PXDNL: variants seen among roughly 807,000 people sequenced by gnomAD.
PXDNL encodes the protein probable oxidoreductase PXDNL.
In PXDNL, 145 loss-of-function variants were observed where a neutral mutation model predicts 150.8. That is an observed-to-expected ratio of 0.96 (90% CI 0.84 to 1.10). The LOEUF is 1.10. Ranked by LOEUF, PXDNL falls within the 50% of genes least tolerant of loss-of-function variation. PXDNL has a pLI of 0.00. For missense variants in PXDNL, 2,087 were observed against 1,873.9 expected (o/e 1.11, Z -2.10); for synonymous variants, 757 against 725.7 (o/e 1.04, Z -0.69).
At chr8:51,420,006 T>C (rs1236715660) in intron 14 of PXDNL, among the ~76,000 whole-genome samples, 1 of 152,216 alleles carries the variant, frequency 6.6e-6, no homozygotes, top group Non-Finnish European at 1.5e-5. Flanking sequence ...GGAAATCTTT[T>C]TGTTCTTTTG....
At chr8:51,415,369 G>A (rs1246753378) in intron 14 of PXDNL, among the ~76,000 whole-genome samples, 1 of 152,156 alleles carries the variant, frequency 6.6e-6, no homozygotes, top group Non-Finnish European at 1.5e-5. Flanking sequence ...CACTGGGGAG[G>A]CCTTAGGAAG....
intron 6 of PXDNL, among the ~76,000 whole-genome samples, chr8:51,475,583 G>C (rs952226661): frequency 1.3e-5 from 2 of 152,092 alleles, no homozygotes; most frequent in African/African-American, 4.8e-5. Context: ...GGGCATTCTA[G>C]CAAGGCTCCC....
At chr8:51,511,742 T>G (rs538104864) in intron 4 of PXDNL, among the ~76,000 whole-genome samples, 1 of 152,264 alleles carries the variant, frequency 6.6e-6, no homozygotes, top group Admixed American at 6.5e-5. Flanking sequence ...ACTCCCCCCT[T>G]TCTAGGGAGA....
intron 4 of PXDNL, among the ~76,000 whole-genome samples, chr8:51,524,201 C>T (rs935931411): frequency 4.6e-5 from 7 of 152,274 alleles, no homozygotes; most frequent in South Asian, 2.1e-4. Flanking sequence ...TTGTTACATA[C>T]GCTCCCTAAC....
chr8:51,499,678 ATCTAAAGGG>A lies in PXDNL; in HGVS notation c.452+12_452+20del, dbSNP rs564162673. On this transcript the variant is annotated intron_variant, in intron 5 of 22. Coordinates refer to ENST00000356297, the MANE Select transcript of PXDNL (RefSeq NM_144651.5). ...AAAATGTAAAGCAGAAGCAAAGGAC[ATCTAAAGGG>A]TCAACACTTACAGTCGCTCTAATCT... The A allele has an allele frequency of 4.7e-3, 7,367 of 1,579,206 alleles. 23 individuals carry two copies. Among genetic ancestry groups the A allele is most frequent in the Non-Finnish European group, 5.8e-3 (6,644 of 1,148,444 alleles).
At chr8:51,775,624 A>G (rs961809539) in intron 1 of PXDNL, among the ~76,000 whole-genome samples, 25 of 152,204 alleles carry the variant, frequency 1.6e-4, no homozygotes, top group Non-Finnish European at 8.8e-5. Flanking sequence ...AATTGTGAAG[A>G]TTTCATGGAC....
intron 17 of PXDNL, among the ~76,000 whole-genome samples, chr8:51,381,012 G>A (rs1237170191): frequency 6.6e-6 from 1 of 151,994 alleles, no homozygotes; most frequent in African/African-American, 2.4e-5. Flanking sequence ...TGTATATATG[G>A]CATTCAACTT....
In PXDNL at chr8:51,372,094, C is replaced by A. The variant is rs1244295262; in HGVS notation, c.3693-13G>T. The A allele has an allele frequency of 3.1e-4, 398 of 1,280,030 alleles. No individual in the cohort carries two copies. Among genetic ancestry groups the A allele is most frequent in the Admixed American group, 2.4e-3 (108 of 44,226 alleles). 79.3% of individuals were successfully genotyped at this position (1,280,030 alleles called of 1,614,324 possible). On this transcript the variant is annotated splice_polypyrimidine_tract_variant and intron_variant, in intron 18 of 22. Transcript: ENST00000356297. Reference sequence around the variant, plus strand: ...TTCATACCAGAACCTGGTAGTCAACCAAAAAAAAAACATTGTCGTGGGTCT... The same window carrying A: ...TTCATACCAGAACCTGGTAGTCAACAAAAAAAAAAACATTGTCGTGGGTCT...
chr8:51,422,653 G>A (rs559320625), intron 14 of PXDNL, among the ~76,000 whole-genome samples: 2 of 152,338 alleles, frequency 1.3e-5, no homozygotes, highest in African/African-American at 4.8e-5. Context: ...TCATTTTTAA[G>A]GAAACTGAAA....
intron 17 of PXDNL, among the ~76,000 whole-genome samples, chr8:51,405,736 G>T (rs1477408463): frequency 6.6e-6 from 1 of 152,146 alleles, no homozygotes; most frequent in East Asian, 1.9e-4. Flanking sequence ...GTTAATGAAA[G>T]GGGAAAGTCA....
At chr8:51,331,917 A>G (rs562823585) in intron 21 of PXDNL, among the ~76,000 whole-genome samples, 108 of 146,794 alleles carry the variant, frequency 7.4e-4, no homozygotes, top group African/African-American at 2.6e-3. Flanking sequence ...CTGGTAGTGG[A>G]AAACAAAGGA....
intron 4 of PXDNL, among the ~76,000 whole-genome samples, chr8:51,507,206 C>T (rs1463215055): frequency 6.6e-6 from 1 of 152,032 alleles, no homozygotes; most frequent in Non-Finnish European, 1.5e-5. Context: ...TAATGGGATG[C>T]AAGGAATACC....
At chr8:51,479,411 C>A (rs1180785231) in intron 6 of PXDNL, among the ~76,000 whole-genome samples, 2 of 152,164 alleles carry the variant, frequency 1.3e-5, no homozygotes, top group Middle Eastern at 3.2e-3. Context: ...TCTCCCACCA[C>A]CAAAATGGAA....
At chr8:51,696,870 TGTGC>T (rs1816159583) in intron 1 of PXDNL, among the ~76,000 whole-genome samples, 116 of 15,452 alleles carry the variant, frequency 7.5e-3, no homozygotes, top group East Asian at 0.013. Context: ...TCCACACACA[TGTGC>T]ACACACACAT....
intron 12 of PXDNL, among the ~76,000 whole-genome samples, chr8:51,432,704 A>G (rs536866994): frequency 5.9e-5 from 9 of 152,364 alleles, no homozygotes; most frequent in African/African-American, 2.2e-4. Context: ...TGTTAATGTC[A>G]TATCCAATGA....
chr8:51,649,725 T>C (rs964960097), intron 2 of PXDNL, among the ~76,000 whole-genome samples: 2 of 152,222 alleles, frequency 1.3e-5, no homozygotes, highest in African/African-American at 4.8e-5. Context: ...TTTATTTTAC[T>C]TTTTATTTTT....
At chr8:51,355,030 C>G (rs1000395391) in intron 19 of PXDNL, among the ~76,000 whole-genome samples, 10 of 151,990 alleles carry the variant, frequency 6.6e-5, no homozygotes, top group African/African-American at 2.2e-4. Flanking sequence ...ACTAACAGAC[C>G]CAAGGAGAGT....
intron 16 of PXDNL, among the ~76,000 whole-genome samples, chr8:51,410,253 A>G (rs1808589442): frequency 6.6e-6 from 1 of 152,216 alleles, no homozygotes; most frequent in South Asian, 2.1e-4. Flanking sequence ...CTACCTTTTA[A>G]CAGGGCTTAA....
chr8:51,512,128 C>A (rs1293394918), intron 4 of PXDNL, among the ~76,000 whole-genome samples: 1 of 152,164 alleles, frequency 6.6e-6, no homozygotes, highest in African/African-American at 2.4e-5. Flanking sequence ...ACAATTTATA[C>A]ACCTACTGAC....
Sources: gnomAD v4.1 joint callset for allele counts (sites outside exome capture counted in the v4.1 genomes callset) on GRCh38, gnomAD v4.1.1 for gene constraint, MANE v1.5 for transcripts, NCBI Gene and HGNC (gene_info 2026-07-23, HGNC 2026-07-21) for gene names.